Variants in MYBPHL observed in about 807,000 individuals in gnomAD.
MYBPHL encodes myosin-binding protein H-like.
In MYBPHL, 32 loss-of-function variants were observed where a neutral mutation model predicts 39.5. The observed-to-expected ratio is 0.81, with a 90% CI of 0.61 to 1.09. The LOEUF is 1.09. Among genes scored for constraint, MYBPHL ranks in the 50% least tolerant of loss-of-function variants. The pLI is 0.00. For missense variants in MYBPHL, 456 were observed against 460.2 expected, an observed-to-expected ratio of 0.99 and a Z score of 0.08; for synonymous variants, 196 against 183.7, an observed-to-expected ratio of 1.07 and a Z score of -0.54.
intron 1 of MYBPHL, among the ~76,000 whole-genome samples, chr1:109,305,022 C>A (rs895311925): frequency 2.0e-5 from 3 of 152,144 alleles, no homozygotes; most frequent in African/African-American, 7.2e-5. Context: ...GCTTAGGGGT[C>A]ATCTAGTCCA....
chr1:109,294,668 T>C (rs961409315), intron 7 of MYBPHL, among the ~76,000 whole-genome samples: 12 of 152,166 alleles, frequency 7.9e-5, no homozygotes, highest in Admixed American at 1.3e-4. Flanking sequence ...CAATATTACC[T>C]ATAAATAAAC....
chr1:109,294,478 TG>T, intron 7 of MYBPHL, among the ~76,000 whole-genome samples: 1 of 152,260 alleles, frequency 6.6e-6, no homozygotes, highest in East Asian at 1.9e-4. Context: ...GGCTAGACAC[TG>T]GGGGGACAAA....
chr1:109,304,524 G>A (rs1658399033), intron 1 of MYBPHL, among the ~76,000 whole-genome samples: 1 of 152,216 alleles, frequency 6.6e-6, no homozygotes, highest in Admixed American at 6.5e-5. Context: ...GAAATTGAAT[G>A]CTTCTTCCAG....
chr1:109,293,497 A>T (rs981383183), intron 8 of MYBPHL, among the ~76,000 whole-genome samples: 4 of 152,148 alleles, frequency 2.6e-5, no homozygotes, highest in Admixed American at 6.5e-5. Context: ...TAATCCCAGC[A>T]CTTTGGGAGG....
intron 1 of MYBPHL, among the ~76,000 whole-genome samples, chr1:109,298,863 T>C (rs1658182784): frequency 6.6e-6 from 1 of 152,126 alleles, no homozygotes; most frequent in Non-Finnish European, 1.5e-5. Flanking sequence ...ACAGTCTTCT[T>C]CCAGTTTGCA....
chr1:109,293,318 C>G (rs1657930279), intron 8 of MYBPHL, among the ~76,000 whole-genome samples: 1 of 152,206 alleles, frequency 6.6e-6, no homozygotes, highest in African/African-American at 2.4e-5. Context: ...TGTCACTCTT[C>G]TTCAGAGGAC....
At chr1:109,301,490 C>T (rs1658276897) in intron 1 of MYBPHL, among the ~76,000 whole-genome samples, 1 of 152,176 alleles carries the variant, frequency 6.6e-6, no homozygotes, top group African/African-American at 2.4e-5. Context: ...CCTGTAATCC[C>T]AGCACTTTGG....
rs115600396 is a variant in MYBPHL, at chr1:109,306,053, G to T, written c.145+794C>A. 4.0e-3 allele frequency among the ~76,000 whole-genome samples: 608 copies of T among 152,326 alleles called. 3 individuals are homozygous for T. Among genetic ancestry groups the T allele is most frequent in the African/African-American group, 0.014 (567 of 41,570 alleles). ...GCCTAGAGCTTTGCCTCCAAGTCTA[G>T]TATATCTTTTCCCCTGCCTCTTCCT... is the stretch of plus-strand genomic sequence containing the variant. On this transcript the variant is annotated intron_variant, in intron 1 of 8. Coordinates refer to ENST00000357155, the MANE Select transcript of MYBPHL (RefSeq NM_001010985.3).
chr1:109,297,432 G>A lies in MYBPHL; in HGVS notation c.420C>T (p.Ile140=), dbSNP rs949707465. The A allele has an allele frequency of 1.4e-5, 22 of 1,612,124 alleles. No homozygotes were observed. In the African/African-American group the frequency reaches 2.5e-4, roughly 19 times the overall value. The change falls in exon 3 of 9, where the codon ATC becomes ATT. Residue 140 remains isoleucine, a synonymous_variant. Coordinates refer to ENST00000357155, the MANE Select transcript of MYBPHL (RefSeq NM_001010985.3). The part of the protein sequence containing the change: ...GGLEATATID[I]LVIERPGPPQ... ...CTTCCCCCACCGTACCAATCACCAGGATGTCAATGGTGGCGGTGGCCTCCA... is the reference window on the plus strand; with the variant it reads ...CTTCCCCCACCGTACCAATCACCAGAATGTCAATGGTGGCGGTGGCCTCCA...
intron 1 of MYBPHL, among the ~76,000 whole-genome samples, chr1:109,299,506 C>T (rs1228525846): frequency 1.3e-5 from 2 of 152,248 alleles, no homozygotes; most frequent in African/African-American, 4.8e-5. Flanking sequence ...CTGTGTCCTT[C>T]CTCCAGCTCA....
In MYBPHL at chr1:109,295,193, A is replaced by C. The variant is rs1352438759; in HGVS notation, c.972T>G (p.Gly324=). 1 of 1,613,942 alleles carries C rather than the reference A, an allele frequency of 6.2e-7. No homozygotes were observed. Among genetic ancestry groups the C allele is most frequent in the East Asian group, 2.2e-5 (1 of 44,892 alleles). ...AGGTATAGATGCCTCCATCAAAGGG[A>C]CCCGGCTTGCGGATCTCTAGGGAGC... is the stretch of plus-strand genomic sequence containing the variant. The part of the protein sequence containing the change: ...GICSLEIRKP[G]PFDGGIYTCK... Residue 324 remains glycine (G), a synonymous_variant, in exon 7 of 9, where the codon GGT becomes GGG. Coordinates refer to ENST00000357155, the MANE Select transcript of MYBPHL (RefSeq NM_001010985.3).
chr1:109,298,235 A>G lies in MYBPHL; in HGVS notation c.168T>C (p.Pro56=). 1 of 1,610,138 alleles carries G rather than the reference A, an allele frequency of 6.2e-7. No individual in the cohort carries two copies. Among genetic ancestry groups the G allele is most frequent in the Non-Finnish European group, 8.5e-7 (1 of 1,178,358 alleles). Residue 56 remains proline (P), a synonymous_variant, in exon 2 of 9, where the codon CCT becomes CCC. Coordinates refer to ENST00000357155, the MANE Select transcript of MYBPHL (RefSeq NM_001010985.3). Reference sequence around the variant, plus strand: ...GGATGTAGGTCTGCCTCAGGGCCCGAGGTAGCCAGATCTTGGGGTGCTCTG... The same window carrying G: ...GGATGTAGGTCTGCCTCAGGGCCCGGGGTAGCCAGATCTTGGGGTGCTCTG... ...PIEEHPKIWL[P]RALRQTYIRK... is the part of the protein sequence containing the mutation.
At chr1:109,293,592 T>A (rs1406164312) in intron 8 of MYBPHL, among the ~76,000 whole-genome samples, 1 of 148,386 alleles carries the variant, frequency 6.7e-6, no homozygotes, top group Non-Finnish European at 1.5e-5. Flanking sequence ...AAAAAAAAAA[T>A]TGCCGGGCGT....
chr1:109,296,404 C>T (rs1658065630), intron 5 of MYBPHL, 34 bp from the exon 6 acceptor site: 2 of 1,609,756 alleles, frequency 1.2e-6, no homozygotes, highest in African/African-American at 1.3e-5. Context: ...CATGTAGCTT[C>T]TGAGATCCCA....
At position 109,292,492 on chromosome 1, in the gene MYBPHL, T is replaced by A. The variant is rs1657901467; in HGVS notation, c.*130A>T. On this transcript the variant is annotated 3_prime_UTR_variant, in exon 9 of 9. Coordinates refer to ENST00000357155, the MANE Select transcript of MYBPHL (RefSeq NM_001010985.3). ...GAAAAGAGGGAGCACTTTGTAGCCA[T>A]GACAGCAAATGGCCAGAGGACACCA... is the stretch of plus-strand genomic sequence containing the variant. 1 of 152,216 alleles carries A rather than the reference T, an allele frequency of 6.6e-6. No individual in the cohort carries two copies. The highest frequency in any genetic ancestry group is 2.4e-5 in the African/African-American group (1 of 41,458). The allele number at this position is 152,216 out of a possible 1,614,324, so 9.4% of individuals were successfully genotyped here.
At chr1:109,294,378 A>G (rs991637087) in intron 7 of MYBPHL, 129 bp from the exon 8 acceptor site, 1 of 798,392 alleles carries the variant, frequency 1.3e-6, no homozygotes, top group African/African-American at 1.7e-5. Context: ...TAGGTAGTCT[A>G]TACATAGAGA....
intron 7 of MYBPHL, among the ~76,000 whole-genome samples, chr1:109,294,727 G>T (rs968407545): frequency 2.6e-5 from 4 of 152,130 alleles, no homozygotes; most frequent in African/African-American, 9.7e-5. Flanking sequence ...GCTTTCCTAG[G>T]CTGAGTCAGA....
chr1:109,299,786 A>G (rs570611964), intron 1 of MYBPHL, among the ~76,000 whole-genome samples: 3 of 152,322 alleles, frequency 2.0e-5, no homozygotes, highest in Admixed American at 1.3e-4. Flanking sequence ...CTCAGCATAG[A>G]TGCAGCAGCT....
At chr1:109,306,088 G>C (rs1658455849) in intron 1 of MYBPHL, among the ~76,000 whole-genome samples, 1 of 152,178 alleles carries the variant, frequency 6.6e-6, no homozygotes, top group Non-Finnish European at 1.5e-5. Context: ...TGCCCTAGGA[G>C]TCCACGTGTT....
Sources: allele counts gnomAD v4.1 joint callset (sites outside exome capture counted in the v4.1 genomes callset), GRCh38; gene constraint gnomAD v4.1.1; transcripts MANE v1.5; gene names NCBI Gene and HGNC (gene_info 2026-07-23, HGNC 2026-07-21).